NOL7: variants seen among roughly 807,000 people sequenced by gnomAD.
NOL7 encodes the protein U3 small nucleolar RNA-associated protein NOL7.
In NOL7, 36 loss-of-function variants were observed where a neutral mutation model predicts 38.4. That is an observed-to-expected ratio of 0.94 (90% CI 0.72 to 1.24). The LOEUF is 1.24. Among genes scored for constraint, NOL7 ranks in the 50% most tolerant of loss-of-function variants. The pLI is 0.00. For synonymous variants in NOL7, 142 were observed against 126.5 expected, an observed-to-expected ratio of 1.12 and a Z score of -0.82; for missense variants, 350 against 315.1, an observed-to-expected ratio of 1.11 and a Z score of -0.84.
At chr6:13,616,424 A>G in intron 2 of NOL7, 39 bp from the exon 3 acceptor site, 3 of 1,452,586 alleles carry the variant, frequency 2.1e-6, no homozygotes, top group South Asian at 1.2e-5. Context: ...TACTATGTAC[A>G]TGACTTTCTA....
At chr6:13,629,885 T>C (rs1163024485) in intron 8 of NOL7, among the ~76,000 whole-genome samples, 1 of 147,768 alleles carries the variant, frequency 6.8e-6, no homozygotes, top group Admixed American at 6.9e-5. Flanking sequence ...TCTCTCTCTC[T>C]CATGTCTCTG....
rs199870894 is a variant in NOL7, at chr6:13,628,629, T to TA, written n.574-3758dup. Among the ~76,000 whole-genome samples, 789 of 152,144 alleles carry TA rather than the reference T, an allele frequency of 5.2e-3. 10 individuals carry two copies. The highest frequency in any genetic ancestry group is 0.017 in the African/African-American group (711 of 41,532). On this transcript the variant is annotated intron_variant and non_coding_transcript_variant, in intron 8 of 8. Transcript: ENST00000474485. ...AACAAAACTAACAGAGCCTTAAAAA[T>TA]AAAAAATGGTTTATACCATCAAACT...
chr6:13,627,826 A>G (rs1764660137), intron 8 of NOL7, among the ~76,000 whole-genome samples: 1 of 152,112 alleles, frequency 6.6e-6, no homozygotes. Flanking sequence ...TTCATAGCCT[A>G]CATCCTAACA....
chr6:13,615,509 G>C lies in NOL7; in HGVS notation c.151G>C (p.Glu51Gln). ...CGGCGCGGCCGCCGAGCCCCTGGAG[G>C]AAGACGAGGAAGGGGACGATGAGTT... ...SSGAAAEPLE[E>Q]DEEGDDEFDD... The change falls in exon 1 of 8, where the codon GAA (glutamate) becomes CAA (glutamine). Residue 51 changes from glutamate (E) to glutamine (Q), a missense_variant. Coordinates refer to ENST00000451315, the MANE Select transcript of NOL7 (RefSeq NM_016167.5). 6.4e-7 allele frequency: 1 copy of C among 1,554,824 alleles called. No homozygotes were observed. The highest frequency in any genetic ancestry group is 8.7e-7 in the Non-Finnish European group (1 of 1,148,912).
intron 8 of NOL7, among the ~76,000 whole-genome samples, chr6:13,629,092 G>T (rs1478521751): frequency 2.6e-5 from 4 of 151,076 alleles, no homozygotes; most frequent in Non-Finnish European, 5.9e-5. Flanking sequence ...AACCTATACA[G>T]CAACAATAAA....
chr6:13,620,766 A>C lies in NOL7; in HGVS notation c.713A>C (p.Lys238Thr), dbSNP rs1327322709. The C allele has an allele frequency of 6.3e-7, 1 of 1,597,404 alleles. No homozygotes were observed. Among genetic ancestry groups the C allele is most frequent in the African/African-American group, 1.4e-5 (1 of 74,004 alleles). The change falls in exon 8 of 8, where the codon AAA (lysine) becomes ACA (threonine). Residue 238 changes from lysine (K) to threonine (T), a missense_variant. Coordinates refer to ENST00000451315, the MANE Select transcript of NOL7 (RefSeq NM_016167.5). ...CTTTATATTCTAGGAATCCAAAAAAAACAAAATGCCAAGAGGTTTAAAAGA... is the reference window on the plus strand; with the variant it reads ...CTTTATATTCTAGGAATCCAAAAAACACAAAATGCCAAGAGGTTTAAAAGA... Reference protein sequence around the residue: ...FLNNAWGIQKKQNAKRFKRRW... With the variant: ...FLNNAWGIQKTQNAKRFKRRW...
rs114193739 is a variant in NOL7 at position 13,621,328 on chromosome 6, G to A, written c.*501G>A. ...AATTTCCTGTTGCCTTTCTGTGTCAGCCACAATATCAGGTCTAACCCTAAT... is the reference window on the plus strand; with the variant it reads ...AATTTCCTGTTGCCTTTCTGTGTCAACCACAATATCAGGTCTAACCCTAAT... On this transcript the variant is annotated 3_prime_UTR_variant, in exon 8 of 8. Transcript: ENST00000451315. The A allele has an allele frequency of 1.3e-5, 2 of 152,596 alleles. No individual in the cohort carries two copies. The highest frequency in any genetic ancestry group is 6.5e-5 in the Admixed American group (1 of 15,296). 9.5% of individuals were successfully genotyped at this position (152,596 alleles called of 1,614,324 possible).
chr6:13,632,225 C>A (rs1764807409), intron 8 of NOL7: 1 of 409,910 alleles, frequency 2.4e-6, no homozygotes, highest in Non-Finnish European at 3.9e-6. Context: ...TCAAATATTT[C>A]CACTCTCAGA....
intron 8 of NOL7, among the ~76,000 whole-genome samples, chr6:13,628,513 G>A (rs1671589851): frequency 6.6e-6 from 1 of 152,166 alleles, no homozygotes. Context: ...GGTTTTAAAT[G>A]AAGGAAACCA....
chr6:13,628,571 A>G (rs536260673), intron 8 of NOL7, among the ~76,000 whole-genome samples: 1 of 152,362 alleles, frequency 6.6e-6, no homozygotes, highest in East Asian at 1.9e-4. Flanking sequence ...AACACTATAA[A>G]ACATGGCTTG....
At position 13,617,976 on chromosome 6, in the gene NOL7, G is replaced by A; in HGVS notation, c.419-82G>A. 4.1e-6 allele frequency: 4 copies of A among 975,932 alleles called. No homozygotes were observed. The South Asian group carries it at 5.4e-5, about 13-fold the overall frequency. 60.5% of individuals were successfully genotyped at this position (975,932 alleles called of 1,614,324 possible). ...AACTGCATCCACATTGGTGTGTAGTGGATGCTTAAAGTGAACTCCAGTAAA... is the reference window on the plus strand; with the variant it reads ...AACTGCATCCACATTGGTGTGTAGTAGATGCTTAAAGTGAACTCCAGTAAA... On this transcript the variant is annotated intron_variant, in intron 4 of 7. Coordinates refer to ENST00000451315, the MANE Select transcript of NOL7 (RefSeq NM_016167.5).
intron 4 of NOL7, 64 bp downstream of exon 4, chr6:13,617,865 A>C: frequency 6.7e-7 from 1 of 1,486,346 alleles, no homozygotes; most frequent in Non-Finnish European, 9.4e-7. Flanking sequence ...AGATGTTTCC[A>C]GTCAAATATG....
rs1322877405 is a variant in NOL7 at position 13,615,397 on chromosome 6, G to A, written c.39G>A (p.Ala13=). The A allele has an allele frequency of 2.6e-6, 4 of 1,533,038 alleles. No individual in the cohort carries two copies. In the South Asian group the frequency reaches 3.7e-5, roughly 14 times the overall value. The allele number at this position is 1,533,038 out of a possible 1,614,324, so 95.0% of individuals were successfully genotyped here. Residue 13 remains alanine (A), a synonymous_variant, in exon 1 of 8, where the codon GCG becomes GCA. Transcript: ENST00000451315. Reference sequence around the variant, plus strand: ...GACCGCGAGCGTCTCGCGCCCCGGCGTCGGCGGAGGCGATGGTGGACGAGG... The same window carrying A: ...GACCGCGAGCGTCTCGCGCCCCGGCATCGGCGGAGGCGATGGTGGACGAGG... The part of the protein sequence containing the change: ...QLRPRASRAP[A]SAEAMVDEGQ...
At chr6:13,618,590 G>T (rs1764352116) in intron 5 of NOL7, among the ~76,000 whole-genome samples, 2 of 152,182 alleles carry the variant, frequency 1.3e-5, no homozygotes, top group South Asian at 4.1e-4. Flanking sequence ...TGTCGTCTCT[G>T]TGGAAAAACC....
intron 5 of NOL7, 48 bp downstream of exon 5, chr6:13,618,187 G>GC: frequency 1.4e-6 from 1 of 722,678 alleles, no homozygotes; most frequent in Non-Finnish European, 2.2e-6. Flanking sequence ...ACCTTTAAGA[G>GC]AGTTAAAGTA....
chr6:13,615,545 G>A lies in NOL7; in HGVS notation c.187G>A (p.Ala63Thr), dbSNP rs754300779. 122 of 1,560,100 alleles carry A rather than the reference G, an allele frequency of 7.8e-5. No individual in the cohort carries two copies. Among genetic ancestry groups the A allele is most frequent in the Non-Finnish European group, 1.0e-4 (117 of 1,151,330 alleles). The change falls in exon 1 of 8, where the codon GCC (alanine) becomes ACC (threonine). Residue 63 changes from alanine to threonine, a missense_variant. By Grantham distance (58) the Ala-to-Thr change is moderately conservative (BLOSUM62 0). Coordinates refer to ENST00000451315, the MANE Select transcript of NOL7 (RefSeq NM_016167.5). ...EEGDDEFDDE[A>T]PEELTFASAQ... is the part of the protein sequence containing the mutation. ...AGGGGACGATGAGTTTGACGATGAG[G>A]CCCCGGAGGAGCTGACTTTCGCCAG...
At chr6:13,617,323 A>G (rs940196407) in intron 3 of NOL7, among the ~76,000 whole-genome samples, 2 of 149,510 alleles carry the variant, frequency 1.3e-5, no homozygotes, top group African/African-American at 2.5e-5. Flanking sequence ...TATTCTGTCC[A>G]TTTACATTTC....
chr6:13,631,110 A>G (rs1452488934), intron 8 of NOL7, among the ~76,000 whole-genome samples: 1 of 152,116 alleles, frequency 6.6e-6, no homozygotes, highest in African/African-American at 2.4e-5. Flanking sequence ...GCCCGGCCTG[A>G]TTTGACTTTT....
At chr6:13,629,484 A>G (rs1764715703) in intron 8 of NOL7, among the ~76,000 whole-genome samples, 1 of 152,234 alleles carries the variant, frequency 6.6e-6, no homozygotes, top group African/African-American at 2.4e-5. Context: ...CCTCAGTGGA[A>G]TAACTTCTGA....
Sources: allele counts gnomAD v4.1 joint callset (sites outside exome capture counted in the v4.1 genomes callset), GRCh38; gene constraint gnomAD v4.1.1; transcripts MANE v1.5; gene names NCBI Gene and HGNC (gene_info 2026-07-23, HGNC 2026-07-21).